Variants in PPFIA2 observed in about 807,000 individuals in gnomAD.
PPFIA2 encodes liprin-alpha-2.
Under a neutral mutation model 175.5 loss-of-function variants are expected in PPFIA2, and 46 were observed. The observed-to-expected ratio is 0.26, with a 90% confidence interval of 0.21 to 0.34. The LOEUF is 0.34. Ranked by LOEUF, PPFIA2 falls within the 10% of genes least tolerant of loss-of-function variation. The pLI is 1.00. For synonymous variants in PPFIA2, 568 were observed against 511.4 expected (o/e 1.11, Z -1.49); for missense variants, 1,179 against 1,506.1 (o/e 0.78, Z 3.60).
At chr12:81,390,587 CTATT>C (rs2039935891) in intron 8 of PPFIA2, among the ~76,000 whole-genome samples, 1 of 151,822 alleles carries the variant, frequency 6.6e-6, no homozygotes, top group South Asian at 2.1e-4. Context: ...GGAGAAATGT[CTATT>C]TAAATTATTT....
At chr12:81,626,450 T>C (rs1048493730) in intron 4 of PPFIA2, among the ~76,000 whole-genome samples, 11 of 152,022 alleles carry the variant, frequency 7.2e-5, no homozygotes, top group Non-Finnish European at 1.6e-4. Context: ...CCTTATTAAA[T>C]TTAACAAATG....
In PPFIA2 at chr12:81,499,025, G is replaced by T. The variant is rs1012047965; in HGVS notation, c.304-41159C>A. Among the ~76,000 whole-genome samples, 4 of 152,326 alleles carry T rather than the reference G, an allele frequency of 2.6e-5. 1 individual carries two copies. The highest frequency in any genetic ancestry group is 2.6e-4 in the Admixed American group (4 of 15,294). ...AAAAATCAATATTCTGTTTTTACTGGCACTTTTGGCCTGCTGGCCATAAGC... is the reference window on the plus strand; with the variant it reads ...AAAAATCAATATTCTGTTTTTACTGTCACTTTTGGCCTGCTGGCCATAAGC... On this transcript the variant is annotated intron_variant, in intron 4 of 32. Transcript: ENST00000549396.
At position 81,509,834 on chromosome 12, in the gene PPFIA2, C is replaced by T. The variant is rs994849788; in HGVS notation, c.304-51968G>A. Among the ~76,000 whole-genome samples, 3 of 152,272 alleles carry T rather than the reference C, an allele frequency of 2.0e-5. No homozygotes were observed. The East Asian group carries it at 5.8e-4, about 29-fold the overall frequency. ...TTTTCCCTGAATACAAAGGACTCAG[C>T]ATCATTTTGGTGAGAACTCAACCTT... is the stretch of plus-strand genomic sequence containing the variant. On this transcript the variant is annotated intron_variant, in intron 4 of 32. Transcript: ENST00000549396.
chr12:81,444,220 G>T (rs1055321394), intron 6 of PPFIA2, among the ~76,000 whole-genome samples: 10 of 152,176 alleles, frequency 6.6e-5, no homozygotes, highest in African/African-American at 2.4e-4. Context: ...TTTTTCTGTG[G>T]CTACATATTG....
At chr12:81,440,860 C>T (rs1566842162) in intron 6 of PPFIA2, among the ~76,000 whole-genome samples, 3 of 149,358 alleles carry the variant, frequency 2.0e-5, no homozygotes, top group Non-Finnish European at 3.0e-5. Context: ...AGAAATATTG[C>T]TGAATTAAAA....
At chr12:81,361,905 G>A (rs1181235953) in intron 15 of PPFIA2, among the ~76,000 whole-genome samples, 1 of 151,290 alleles carries the variant, frequency 6.6e-6, no homozygotes, top group African/African-American at 2.4e-5. Context: ...GTCCTTCTAG[G>A]GTTTCTAACA....
chr12:81,628,989 A>T (rs917985675), intron 4 of PPFIA2, among the ~76,000 whole-genome samples: 2 of 152,138 alleles, frequency 1.3e-5, no homozygotes, highest in Non-Finnish European at 2.9e-5. Flanking sequence ...ACAGGCAGAG[A>T]GATGCTGAGC....
chr12:81,467,702 G>C (rs1213316203), intron 4 of PPFIA2, among the ~76,000 whole-genome samples: 1 of 152,120 alleles, frequency 6.6e-6, no homozygotes, highest in Non-Finnish European at 1.5e-5. Context: ...CACCTCTCAA[G>C]ATGTTTTCTG....
At chr12:81,590,956 AT>A (rs2058603791) in intron 4 of PPFIA2, among the ~76,000 whole-genome samples, 1 of 152,184 alleles carries the variant, frequency 6.6e-6, no homozygotes, top group Non-Finnish European at 1.5e-5. Flanking sequence ...TTGGAACTGG[AT>A]AACTGGCAGA....
At chr12:81,436,068 T>C (rs1453277186) in intron 7 of PPFIA2, among the ~76,000 whole-genome samples, 6 of 151,572 alleles carry the variant, frequency 4.0e-5, no homozygotes, top group African/African-American at 1.5e-4. Flanking sequence ...GTTTGACCCC[T>C]GGAGTTAAAG....
chr12:81,751,228 A>C (rs932086953), intron 3 of PPFIA2, among the ~76,000 whole-genome samples: 1 of 152,160 alleles, frequency 6.6e-6, no homozygotes. Context: ...GATATTGAAA[A>C]AGATATCCTC....
chr12:81,626,286 T>C (rs2062695997), intron 4 of PPFIA2, among the ~76,000 whole-genome samples: 1 of 151,906 alleles, frequency 6.6e-6, no homozygotes, highest in Admixed American at 6.6e-5. Context: ...AAATAAACTA[T>C]TTTCAAGCTT....
At chr12:81,546,684 A>G (rs548924768) in intron 4 of PPFIA2, among the ~76,000 whole-genome samples, 2 of 152,128 alleles carry the variant, frequency 1.3e-5, no homozygotes, top group Admixed American at 6.6e-5. Flanking sequence ...GAACATTTAC[A>G]TATTAAAATA....
Position 81,321,055 on chromosome 12 carries a change from C to CAGAG in PPFIA2, c.2642+4718_2642+4721dup, listed in dbSNP as rs376416224. ...ATAAAGCAAAAATAAATAAATAAAA[C>CAGAG]AGAGAGAGAGAGAGAGAGGAAAAAG... On this transcript the variant is annotated intron_variant, in intron 22 of 32. Coordinates refer to ENST00000549396, the MANE Select transcript of PPFIA2 (RefSeq NM_003625.5). Among the ~76,000 whole-genome samples, 179 of 148,758 alleles carry CAGAG rather than the reference C, an allele frequency of 1.2e-3. 1 individual carries two copies. The highest frequency in any genetic ancestry group is 4.2e-3 in the African/African-American group (168 of 40,440).
chr12:81,318,133 A>G (rs75493063), intron 22 of PPFIA2, among the ~76,000 whole-genome samples: 14,033 of 151,596 alleles, frequency 0.093, 843 homozygotes, highest in Middle Eastern at 0.16. Context: ...GGCAGCATCT[A>G]TATCTTTGTT....
At chr12:81,740,514 T>A (rs967572377) in intron 3 of PPFIA2, among the ~76,000 whole-genome samples, 2 of 152,166 alleles carry the variant, frequency 1.3e-5, no homozygotes, top group East Asian at 1.9e-4. Flanking sequence ...CAACCACAGT[T>A]CTAAACTCTC....
intron 4 of PPFIA2, among the ~76,000 whole-genome samples, chr12:81,579,939 T>C (rs1208857430): frequency 6.6e-6 from 1 of 151,858 alleles, no homozygotes; most frequent in Non-Finnish European, 1.5e-5. Context: ...TGGATAATTA[T>C]GCATTCTGAA....
At position 81,421,990 on chromosome 12, in the gene PPFIA2, C is replaced by T. The variant is rs144766690; in HGVS notation, c.646-16087G>A. On this transcript the variant is annotated intron_variant, in intron 7 of 32. Coordinates refer to ENST00000549396, the MANE Select transcript of PPFIA2 (RefSeq NM_003625.5). ...CTATGCTTATATCAGACAAAATAGA[C>T]TTTAAGTCTAGAACTGTCTCTAGAG... Among the ~76,000 whole-genome samples, 420 of 150,972 alleles carry T rather than the reference C, an allele frequency of 2.8e-3. 3 individuals carry two copies. Among genetic ancestry groups the T allele is most frequent in the South Asian group, 0.019 (90 of 4,814 alleles).
At chr12:81,364,415 A>G (rs983303743) in intron 14 of PPFIA2, among the ~76,000 whole-genome samples, 1 of 151,808 alleles carries the variant, frequency 6.6e-6, no homozygotes, top group Non-Finnish European at 1.5e-5. Context: ...ACAGGGTCTC[A>G]CTTTGCCACT....
Sources: gnomAD v4.1 joint callset for allele counts (sites outside exome capture counted in the v4.1 genomes callset) on GRCh38, gnomAD v4.1.1 for gene constraint, MANE v1.5 for transcripts, NCBI Gene and HGNC (gene_info 2026-07-23, HGNC 2026-07-21) for gene names.